Variants in VPS13D observed in about 807,000 individuals in gnomAD.
VPS13D encodes the protein vacuolar protein sorting 13 homolog D.
VPS13D carries 187 observed loss-of-function variants against 461.9 expected under a neutral mutation model. The ratio of observed to expected loss-of-function variants is 0.40; its 90% CI spans 0.36 to 0.46. The LOEUF (loss-of-function observed/expected upper bound fraction) is 0.46. VPS13D is among the 20% of genes least tolerant of loss of function. VPS13D has a pLI of 0.60. For missense variants in VPS13D, 4,711 were observed against 5,364.9 expected (o/e 0.88, Z 3.81); for synonymous variants, 1,951 against 1,986.3 (o/e 0.98, Z 0.47).
At chr1:12,373,913 A>G in intron 55 of VPS13D, 55 bp downstream of exon 55, 1 of 1,362,768 alleles carries the variant, frequency 7.3e-7, no homozygotes, top group Admixed American at 1.8e-5. Context: ...ACTGGACGGG[A>G]CTCAGGATCA....
chr1:12,432,586 C>T (rs1645006409), intron 65 of VPS13D, among the ~76,000 whole-genome samples: 1 of 151,360 alleles, frequency 6.6e-6, no homozygotes, highest in South Asian at 2.1e-4. Flanking sequence ...ATCTGAACCC[C>T]TTTCCTTTTC....
chr1:12,310,006 A>C (rs1042714258), intron 27 of VPS13D, among the ~76,000 whole-genome samples: 1 of 151,966 alleles, frequency 6.6e-6, no homozygotes, highest in Non-Finnish European at 1.5e-5. Context: ...GGCATGGGCT[A>C]TATTTGGTTT....
At chr1:12,270,701 G>A (rs190347453) in intron 16 of VPS13D, among the ~76,000 whole-genome samples, 1 of 152,112 alleles carries the variant, frequency 6.6e-6, no homozygotes, top group Non-Finnish European at 1.5e-5. Context: ...ACTGGAGTAA[G>A]AAACTGTTGT....
intron 67 of VPS13D, among the ~76,000 whole-genome samples, chr1:12,480,695 G>T (rs773811802): frequency 6.6e-6 from 1 of 152,106 alleles, no homozygotes; most frequent in Non-Finnish European, 1.5e-5. Flanking sequence ...AAATTTTCTG[G>T]TTCTGTTTAA....
rs777947267 is a variant in VPS13D at position 12,484,359 on chromosome 1, T to C, written c.12663-13141T>C. ...AGTCACTTCAAGGATGTAGATCTTA[T>C]CCTCCCAATTGGATTGTGAGTTTGT... On this transcript the variant is annotated intron_variant, in intron 67 of 69. Coordinates refer to ENST00000620676, the MANE Select transcript of VPS13D (RefSeq NM_015378.4). 3.1e-4 allele frequency among the ~76,000 whole-genome samples: 47 copies of C among 152,304 alleles called. No homozygotes were observed. The Middle Eastern group carries it at 0.01, about 33-fold the overall frequency.
chr1:12,488,966 T>C (rs923852766), intron 67 of VPS13D, among the ~76,000 whole-genome samples: 7 of 152,220 alleles, frequency 4.6e-5, no homozygotes, highest in African/African-American at 1.7e-4. Context: ...TGTTGAAAGT[T>C]GCAAACCACT....
chr1:12,362,746 C>A lies in VPS13D; in HGVS notation c.10168C>A (p.Arg3390=). ...IGIDVKKGRG[R]YIDTCMVIFA... Reference sequence around the variant, plus strand: ...TATTGATGTCAAGAAAGGCCGAGGTCGATACATTGATACCTGCATGGTCAT... The same window carrying A: ...TATTGATGTCAAGAAAGGCCGAGGTAGATACATTGATACCTGCATGGTCAT... Residue 3390 remains arginine (R), a synonymous_variant, in exon 51 of 70, where the codon CGA becomes AGA. Coordinates refer to ENST00000620676, the MANE Select transcript of VPS13D (RefSeq NM_015378.4). 1 of 1,614,060 alleles carries A rather than the reference C, an allele frequency of 6.2e-7. No homozygotes were observed. Among genetic ancestry groups the A allele is most frequent in the South Asian group, 1.1e-5 (1 of 91,056 alleles).
chr1:12,416,154 G>T (rs1316382349), intron 64 of VPS13D, among the ~76,000 whole-genome samples: 1 of 152,206 alleles, frequency 6.6e-6, no homozygotes, highest in Non-Finnish European at 1.5e-5. Flanking sequence ...CCTCACCTCA[G>T]CCTGTGTGAC....
chr1:12,248,757 C>T (rs1640639489), intron 5 of VPS13D, among the ~76,000 whole-genome samples: 2 of 152,142 alleles, frequency 1.3e-5, no homozygotes, highest in South Asian at 4.1e-4. Flanking sequence ...TTGCTGGTTT[C>T]CTTGGTCCAG....
In VPS13D at chr1:12,376,978, G is replaced by A. The variant is rs188732237; in HGVS notation, c.10918-1450G>A. ...TGTGGGGAAGTTACTTCATCTCACC[G>A]AGCCTTAACTTCCTCATCTATGAGG... On this transcript the variant is annotated intron_variant, in intron 55 of 69. Transcript: ENST00000620676. 1.9e-3 allele frequency among the ~76,000 whole-genome samples: 288 copies of A among 152,210 alleles called. 1 individual carries two copies. Among genetic ancestry groups the A allele is most frequent in the African/African-American group, 6.5e-3 (268 of 41,522 alleles).
At chr1:12,447,773 A>G (rs1346901812) in intron 65 of VPS13D, among the ~76,000 whole-genome samples, 1 of 152,240 alleles carries the variant, frequency 6.6e-6, no homozygotes, top group Admixed American at 6.5e-5. Flanking sequence ...AAATAAATAC[A>G]AAGTACTTTG....
chr1:12,373,097 T>TTTTTTTTTTG (rs1557739994), intron 54 of VPS13D, among the ~76,000 whole-genome samples: 1 of 132,914 alleles, frequency 7.5e-6, no homozygotes, highest in Non-Finnish European at 1.6e-5. Flanking sequence ...CTGGCTTGGT[T>TTTTTTTTTTG]TTTTTTTTTT....
intron 3 of VPS13D, among the ~76,000 whole-genome samples, chr1:12,243,177 A>G (rs1408391017): frequency 1.4e-5 from 2 of 143,374 alleles, no homozygotes; most frequent in African/African-American, 5.2e-5. Flanking sequence ...CTGGTCTTGA[A>G]CTCCTGACCT....
intron 62 of VPS13D, 43 bp downstream of exon 62, chr1:12,401,747 A>C (rs747222315): frequency 6.5e-7 from 1 of 1,539,610 alleles, no homozygotes; most frequent in East Asian, 2.3e-5. Flanking sequence ...AATTGGTCCA[A>C]AGATGGTATT....
At chr1:12,269,754 T>C (rs912139884) in intron 16 of VPS13D, among the ~76,000 whole-genome samples, 1 of 152,236 alleles carries the variant, frequency 6.6e-6, no homozygotes, top group African/African-American at 2.4e-5. Context: ...CTTCCCCCTT[T>C]ATTACAATGA....
At chr1:12,492,934 T>C (rs1645902537) in intron 67 of VPS13D, among the ~76,000 whole-genome samples, 1 of 152,064 alleles carries the variant, frequency 6.6e-6, no homozygotes, top group Non-Finnish European at 1.5e-5. Flanking sequence ...TCCTTTGAAA[T>C]GTGGTAAGGC....
chr1:12,280,185 A>G (rs1233651025), intron 20 of VPS13D, among the ~76,000 whole-genome samples: 1 of 151,924 alleles, frequency 6.6e-6, no homozygotes, highest in Non-Finnish European at 1.5e-5. Context: ...CAGGGACGAG[A>G]GCAAAGAGTA....
chr1:12,306,173 A>G (rs1017534060), intron 26 of VPS13D, among the ~76,000 whole-genome samples: 2 of 151,968 alleles, frequency 1.3e-5, no homozygotes, highest in African/African-American at 4.8e-5. Flanking sequence ...TTTAGTAGAG[A>G]TGGGGTTTCA....
intron 7 of VPS13D, among the ~76,000 whole-genome samples, chr1:12,254,798 G>T (rs1438481727): frequency 6.6e-6 from 1 of 151,994 alleles, no homozygotes; most frequent in Non-Finnish European, 1.5e-5. Context: ...AAAGTGCTGG[G>T]ATTACAGGTG....
Sources: gnomAD v4.1 joint callset for allele counts (sites outside exome capture counted in the v4.1 genomes callset) on GRCh38, gnomAD v4.1.1 for gene constraint, MANE v1.5 for transcripts, NCBI Gene and HGNC (gene_info 2026-07-23, HGNC 2026-07-21) for gene names.